ATP6V1A: variants seen among roughly 807,000 people sequenced by gnomAD.
ATP6V1A encodes the protein ATPase H+ transporting V1 subunit A, also known as V-type proton ATPase catalytic subunit A.
In ATP6V1A, 18 loss-of-function variants were observed where a neutral mutation model predicts 70.1. That is an observed-to-expected ratio of 0.26 (90% confidence interval 0.18 to 0.38). The LOEUF is 0.38. Among genes scored for constraint, ATP6V1A ranks in the 10% least tolerant of loss-of-function variants. The pLI, the probability that ATP6V1A is intolerant of heterozygous loss-of-function variation, is 1.00. For synonymous variants in ATP6V1A, 232 were observed against 253.8 expected (o/e 0.91, Z 0.82); for missense variants, 424 against 772.4 (o/e 0.55, Z 5.35).
At chr3:113,754,305 C>T (rs899171274) in intron 1 of ATP6V1A, among the ~76,000 whole-genome samples, 2 of 152,144 alleles carry the variant, frequency 1.3e-5, no homozygotes, top group East Asian at 3.9e-4. Context: ...AGGTAGATCG[C>T]TTGAGCCCGG....
intron 11 of ATP6V1A, among the ~76,000 whole-genome samples, chr3:113,797,245 T>G (rs1029267467): frequency 5.1e-5 from 7 of 136,002 alleles, no homozygotes; most frequent in African/African-American, 1.9e-4. Context: ...CCCAGAACAG[T>G]TAAAAAAAAA....
intron 14 of ATP6V1A, among the ~76,000 whole-genome samples, chr3:113,806,606 C>A (rs1261722946): frequency 4.6e-5 from 7 of 151,902 alleles, no homozygotes; most frequent in Non-Finnish European, 8.8e-5. Context: ...TTACAGGTGC[C>A]TGCCACCACG....
chr3:113,798,049 T>G (rs1460152462), intron 11 of ATP6V1A, among the ~76,000 whole-genome samples, 194 bp from the exon 12 acceptor site: 3 of 152,008 alleles, frequency 2.0e-5, no homozygotes, highest in Non-Finnish European at 2.9e-5. Context: ...AGGAGAATTG[T>G]TTGAACCCAT....
chr3:113,808,521 C>T (rs533854673), intron 14 of ATP6V1A, among the ~76,000 whole-genome samples: 2 of 151,862 alleles, frequency 1.3e-5, no homozygotes, highest in East Asian at 2.0e-4. Context: ...CTCAATCTCC[C>T]GACCTTGTGA....
intron 13 of ATP6V1A, 110 bp downstream of exon 13, chr3:113,803,787 A>T (rs2108044732): frequency 1.4e-6 from 1 of 736,508 alleles, no homozygotes; most frequent in Non-Finnish European, 2.3e-6. Flanking sequence ...ATACACTCTG[A>T]CTTAGTAGAT....
chr3:113,777,762 C>T (rs1289476928), intron 1 of ATP6V1A, among the ~76,000 whole-genome samples: 1 of 151,986 alleles, frequency 6.6e-6, no homozygotes, highest in African/African-American at 2.4e-5. Context: ...GAAAAAAAGA[C>T]CTGAAGGAGG....
intron 1 of ATP6V1A, among the ~76,000 whole-genome samples, chr3:113,774,460 T>C (rs568761841): frequency 6.6e-6 from 1 of 152,254 alleles, no homozygotes; most frequent in East Asian, 1.9e-4. Context: ...ACAATTTGAT[T>C]TGCCTAAGGA....
chr3:113,775,901 T>C (rs984220282), intron 1 of ATP6V1A, among the ~76,000 whole-genome samples: 1 of 152,224 alleles, frequency 6.6e-6, no homozygotes, highest in African/African-American at 2.4e-5. Flanking sequence ...CCCAACCTAT[T>C]GTCCAATTAA....
At position 113,784,249 on chromosome 3, in the gene ATP6V1A, A is replaced by G; in HGVS notation, c.237A>G (p.Val79=). 3 of 1,614,154 alleles carry G rather than the reference A, an allele frequency of 1.9e-6. No homozygotes were observed. The highest frequency in any genetic ancestry group is 2.5e-6 in the Non-Finnish European group (3 of 1,180,030). Residue 79 remains valine (V), a synonymous_variant, in exon 4 of 15, where the codon GTA becomes GTG. Coordinates refer to ENST00000273398, the MANE Select transcript of ATP6V1A (RefSeq NM_001690.4). The part of the protein sequence containing the change: ...ETSGVSVGDP[V]LRTGKPLSVE... ...CTGGTGTGTCTGTTGGAGATCCTGT[A>G]CTTCGCACTGGTAAACCCCTCTCTG... is the stretch of plus-strand genomic sequence containing the variant.
At chr3:113,761,455 G>A (rs906881815) in intron 1 of ATP6V1A, among the ~76,000 whole-genome samples, 3 of 151,072 alleles carry the variant, frequency 2.0e-5, no homozygotes, top group African/African-American at 4.9e-5. Flanking sequence ...AATAAGTTTC[G>A]GCTGGGCTTG....
intron 11 of ATP6V1A, 129 bp downstream of exon 11, chr3:113,796,068 A>G: frequency 2.6e-6 from 2 of 781,464 alleles, no homozygotes; most frequent in Non-Finnish European, 3.9e-6. Flanking sequence ...GGCAATGGTA[A>G]AGTCTGGTTT....
intron 3 of ATP6V1A, among the ~76,000 whole-genome samples, chr3:113,783,804 G>A (rs9851731): frequency 0.38 from 57,018 of 152,008 alleles, 10,790 homozygotes; most frequent in African/African-American, 0.43. Flanking sequence ...TACAAAAGCA[G>A]GTATCATGTG....
intron 1 of ATP6V1A, among the ~76,000 whole-genome samples, chr3:113,762,275 A>G (rs1237338748): frequency 1.3e-5 from 2 of 150,340 alleles, no homozygotes; most frequent in Non-Finnish European, 3.0e-5. Flanking sequence ...TTTGAAAAAA[A>G]TTGGTAAAGT....
chr3:113,763,167 A>G lies in ATP6V1A; in HGVS notation c.-13-15574A>G, dbSNP rs201195861. Among the ~76,000 whole-genome samples, 148 of 152,074 alleles carry G rather than the reference A, an allele frequency of 9.7e-4. 1 individual carries two copies. In the East Asian group the frequency reaches 0.025, roughly 26 times the overall value. On this transcript the variant is annotated intron_variant, in intron 1 of 14. Coordinates refer to ENST00000273398, the MANE Select transcript of ATP6V1A (RefSeq NM_001690.4). ...GAGTGCAGTGGCGCAATCTCGGCTC[A>G]CTGCAGCCTCCGCTTCCTGGGTTCA...
intron 1 of ATP6V1A, among the ~76,000 whole-genome samples, chr3:113,771,381 G>T (rs1708838557): frequency 6.7e-6 from 1 of 150,004 alleles, no homozygotes; most frequent in South Asian, 2.1e-4. Flanking sequence ...TCTACCTGAT[G>T]AGTAATTTTT....
intron 6 of ATP6V1A, among the ~76,000 whole-genome samples, chr3:113,786,846 A>C (rs921254513): frequency 6.6e-6 from 1 of 151,004 alleles, no homozygotes; most frequent in Non-Finnish European, 1.5e-5. Context: ...GCATGATCTC[A>C]GCTCACTGCA....
chr3:113,787,594 A>G (rs1709051071), intron 6 of ATP6V1A, among the ~76,000 whole-genome samples: 1 of 152,218 alleles, frequency 6.6e-6, no homozygotes, highest in Admixed American at 6.5e-5. Flanking sequence ...GCAATTTATT[A>G]TGTCACTCAA....
chr3:113,767,217 G>A (rs1708782949), intron 1 of ATP6V1A, among the ~76,000 whole-genome samples: 2 of 150,392 alleles, frequency 1.3e-5, no homozygotes, highest in South Asian at 4.3e-4. Context: ...TCAGCGCCCC[G>A]AGTAGCTGGG....
intron 1 of ATP6V1A, among the ~76,000 whole-genome samples, chr3:113,765,535 G>A (rs964495782): frequency 6.6e-6 from 1 of 151,896 alleles, no homozygotes; most frequent in African/African-American, 2.4e-5. Context: ...AATCCGGGAG[G>A]TGGAGGTTGC....
Sources: gnomAD v4.1 joint callset for allele counts (sites outside exome capture counted in the v4.1 genomes callset) on GRCh38, gnomAD v4.1.1 for gene constraint, MANE v1.5 for transcripts, NCBI Gene and HGNC (gene_info 2026-07-23, HGNC 2026-07-21) for gene names.